Variants in OCA2 observed in about 807,000 individuals in gnomAD.
OCA2 encodes P protein.
OCA2 carries 77 observed loss-of-function variants against 100.2 expected under a neutral mutation model. That is an observed-to-expected ratio of 0.77 (90% CI 0.64 to 0.93). The LOEUF (loss-of-function observed/expected upper bound fraction) is 0.93, where lower values mean the gene tolerates loss of function less well. Ranked by LOEUF, OCA2 falls within the 40% of genes least tolerant of loss-of-function variation. The pLI, the probability that OCA2 is intolerant of heterozygous loss-of-function variation, is 0.00. For missense variants in OCA2, 1,062 were observed against 1,089.1 expected (o/e 0.98, Z 0.35); for synonymous variants, 432 against 439.2 (o/e 0.98, Z 0.21).
chr15:28,083,225 G>A (rs551750056), intron 1 of OCA2, among the ~76,000 whole-genome samples: 9 of 152,352 alleles, frequency 5.9e-5, no homozygotes, highest in African/African-American at 2.2e-4. Flanking sequence ...AGTACAAGAC[G>A]TGTGATGGCT....
intron 15 of OCA2, among the ~76,000 whole-genome samples, chr15:27,959,076 G>A (rs1457282092): frequency 2.6e-5 from 4 of 152,206 alleles, no homozygotes; most frequent in Admixed American, 6.5e-5. Context: ...GTCTGGAAAC[G>A]AAGCATGTCA....
chr15:27,865,916 G>A (rs1392879645), intron 21 of OCA2, among the ~76,000 whole-genome samples: 1 of 152,106 alleles, frequency 6.6e-6, no homozygotes, highest in Admixed American at 6.5e-5. Context: ...GCAGTGTAAA[G>A]GTCCTCCCAG....
rs564962765 is a variant in OCA2 at position 27,993,350 on chromosome 15, G to A, written c.1045-2703C>T. On this transcript the variant is annotated intron_variant, in intron 9 of 23. Coordinates refer to ENST00000354638, the MANE Select transcript of OCA2 (RefSeq NM_000275.3). ...CAGTCTCAGCTGAATAATTGTCCCC[G>A]TGTCGGAAAACAAAGGACACGCACA... is the stretch of plus-strand genomic sequence containing the variant. Among the ~76,000 whole-genome samples the A allele has an allele frequency of 7.2e-5, 11 of 152,194 alleles. 1 individual carries two copies. The South Asian group carries it at 2.1e-3, about 29-fold the overall frequency.
chr15:28,041,920 T>C (rs2043212701), intron 2 of OCA2, among the ~76,000 whole-genome samples: 1 of 151,962 alleles, frequency 6.6e-6, no homozygotes, highest in African/African-American at 2.4e-5. Flanking sequence ...TGAATGTGCA[T>C]GAGATGAGAG....
intron 23 of OCA2, among the ~76,000 whole-genome samples, chr15:27,841,290 G>C (rs2151363264): frequency 6.6e-6 from 1 of 152,348 alleles, no homozygotes; most frequent in East Asian, 1.9e-4. Context: ...ATTGGGGCAG[G>C]GGTAGAGGTG....
intron 23 of OCA2, chr15:27,776,406 G>A (rs1174467919): frequency 6.6e-6 from 1 of 152,260 alleles, no homozygotes; most frequent in South Asian, 2.1e-4. Context: ...CTTCTGTAAA[G>A]CTGAGCTAAA....
chr15:27,723,802 TA>T, the OCA2 span, among the ~76,000 whole-genome samples: 1 of 152,204 alleles, frequency 6.6e-6, no homozygotes, highest in African/African-American at 2.4e-5. Flanking sequence ...TTGTTCACAG[TA>T]AATTCTGAAA....
chr15:27,839,002 G>GA (rs953003627), intron 23 of OCA2, among the ~76,000 whole-genome samples: 1 of 152,050 alleles, frequency 6.6e-6, no homozygotes, highest in East Asian at 1.9e-4. Context: ...GGGGGTGGAG[G>GA]AAAAAATGAA....
In OCA2 at chr15:27,893,898, A is replaced by G. The variant is rs1042085954; in HGVS notation, c.2080-21976T>C. On this transcript the variant is annotated intron_variant, in intron 19 of 23. Coordinates refer to ENST00000354638, the MANE Select transcript of OCA2 (RefSeq NM_000275.3). ...CTTTTGCCCTTTGTTCTGTTCCCTC[A>G]GAAGCATGTGATCTTTGTTAGACCC... Among the ~76,000 whole-genome samples, 5 of 152,072 alleles carry G rather than the reference A, an allele frequency of 3.3e-5. No homozygotes were observed. The South Asian group carries it at 1.0e-3, about 32-fold the overall frequency.
the OCA2 span, among the ~76,000 whole-genome samples, chr15:27,738,044 G>A: frequency 6.6e-6 from 1 of 152,166 alleles, no homozygotes; most frequent in Non-Finnish European, 1.5e-5. Context: ...GGGAGCACAT[G>A]GAATCTAATA....
At chr15:27,991,559 T>C (rs758915844) in intron 9 of OCA2, among the ~76,000 whole-genome samples, 52 of 152,096 alleles carry the variant, frequency 3.4e-4, no homozygotes, top group Non-Finnish European at 6.5e-4. Flanking sequence ...TGCCCAAGGC[T>C]GGGGAAAGCA....
chr15:27,981,263 T>A (rs766216270), intron 14 of OCA2, among the ~76,000 whole-genome samples: 3 of 152,228 alleles, frequency 2.0e-5, no homozygotes, highest in Non-Finnish European at 2.9e-5. Flanking sequence ...ACTTTTAATG[T>A]CCTAGTCTGC....
intron 2 of OCA2, among the ~76,000 whole-genome samples, chr15:28,061,510 G>A (rs1432624659): frequency 6.6e-6 from 1 of 152,086 alleles, no homozygotes; most frequent in Admixed American, 6.6e-5. Context: ...CACATGCAAA[G>A]ACATGTATGG....
chr15:28,097,396 A>C (rs2045005995), intron 1 of OCA2, among the ~76,000 whole-genome samples: 1 of 152,210 alleles, frequency 6.6e-6, no homozygotes, highest in Non-Finnish European at 1.5e-5. Flanking sequence ...GAGCTGAGGG[A>C]GCTCCGGCTT....
At chr15:27,728,479 C>T in the OCA2 span, among the ~76,000 whole-genome samples, 10 of 152,088 alleles carry the variant, frequency 6.6e-5, no homozygotes, top group African/African-American at 2.4e-4. Flanking sequence ...GTCCATCAGC[C>T]TTCTTTCATT....
At chr15:27,771,541 T>C (rs757029215) in intron 23 of OCA2, among the ~76,000 whole-genome samples, 2 of 152,216 alleles carry the variant, frequency 1.3e-5, no homozygotes, top group East Asian at 1.9e-4. Context: ...GGGGTGACTT[T>C]GAGACTTGTG....
chr15:28,073,188 C>T (rs527447019), intron 2 of OCA2, among the ~76,000 whole-genome samples: 4 of 152,156 alleles, frequency 2.6e-5, no homozygotes, highest in Admixed American at 6.5e-5. Context: ...CGGAGGTGGG[C>T]GGATCACCTG....
At chr15:27,746,291 A>G in the OCA2 span, among the ~76,000 whole-genome samples, 1 of 152,022 alleles carries the variant, frequency 6.6e-6, no homozygotes, top group South Asian at 2.1e-4. Context: ...CCCCATCTCT[A>G]CTAAAAATAC....
intron 8 of OCA2, among the ~76,000 whole-genome samples, chr15:28,015,837 C>T (rs1051576736): frequency 2.0e-5 from 3 of 152,220 alleles, no homozygotes; most frequent in African/African-American, 7.2e-5. Context: ...TGTACAGCTT[C>T]ACATTAATGA....
Sources: allele counts gnomAD v4.1 joint callset (sites outside exome capture counted in the v4.1 genomes callset), GRCh38; gene constraint gnomAD v4.1.1; transcripts MANE v1.5; gene names NCBI Gene and HGNC (gene_info 2026-07-23, HGNC 2026-07-21).